The following GNPAT variants were observed in gnomAD, a reference collection of about 807,000 sequenced individuals.
The protein encoded by GNPAT is glyceronephosphate O-acyltransferase.
GNPAT carries 30 observed loss-of-function variants against 78.4 expected under a neutral mutation model. The observed-to-expected ratio is 0.38, with a 90% confidence interval of 0.29 to 0.52. The LOEUF is 0.52. GNPAT is among the 20% of genes least tolerant of loss of function. GNPAT has a pLI of 0.84. For missense variants in GNPAT, 714 were observed against 812.2 expected, an observed-to-expected ratio of 0.88 and a Z score of 1.47; for synonymous variants, 271 against 281.1, an observed-to-expected ratio of 0.96 and a Z score of 0.36.
chr1:231,260,677 T>C lies in GNPAT; in HGVS notation c.432T>C (p.Ile144=). Residue 144 remains isoleucine (I), a synonymous_variant, in exon 3 of 16, where the codon ATT becomes ATC. Coordinates refer to ENST00000366647, the MANE Select transcript of GNPAT (RefSeq NM_014236.4). ...FSKVCVNEEG[I]QKLQRAIQEH... is the part of the protein sequence containing the mutation. ...AGGTGTGTGTAAATGAAGAAGGTAT[T>C]CAGAAAGTGAGTATTGATTATTAAA... 5 of 1,580,830 alleles carry C rather than the reference T, an allele frequency of 3.2e-6. No homozygotes were observed. The highest frequency in any genetic ancestry group is 4.3e-6 in the Non-Finnish European group (5 of 1,149,904).
rs1182424004 is a variant in GNPAT, at chr1:231,272,340, A to C, written c.1551A>C (p.Leu517=). The C allele has an allele frequency of 6.3e-7, 1 of 1,595,974 alleles. No homozygotes were observed. The highest frequency in any genetic ancestry group is 1.3e-5 in the African/African-American group (1 of 74,646). ...KEDVYSCFRF[L]RDVFADEFIF... is the part of the protein sequence containing the mutation. ...ATGTCTACAGTTGCTTTCGCTTCCT[A>C]CGTGATGTTTTTGCAGATGAGTTCA... The change falls in exon 11 of 16, where the codon CTA becomes CTC. Residue 517 remains leucine, a synonymous_variant. Transcript: ENST00000366647.
intron 4 of GNPAT, among the ~76,000 whole-genome samples, chr1:231,264,764 G>A (rs145198131): frequency 6.6e-6 from 1 of 152,286 alleles, no homozygotes; most frequent in Non-Finnish European, 1.5e-5. Flanking sequence ...GTTTGGCCTG[G>A]CTGTCCAGAG....
rs531592 is a variant in GNPAT, at chr1:231,260,888, T to C, written c.438+205T>C. 0.5 allele frequency among the ~76,000 whole-genome samples: 76,149 copies of C among 152,012 alleles called. 19,258 individuals are homozygous for C. The highest frequency in any genetic ancestry group is 0.58 in the South Asian group (2,788 of 4,822). The stretch of plus-strand genomic sequence containing the variant: ...CATCTCTGAAGGTTGTTTTCTGTTT[T>C]TTTGTTTCCTTTTAACTGCAGACCT... On this transcript the variant is annotated intron_variant, in intron 3 of 15. Transcript: ENST00000366647.
chr1:231,268,933 C>T (rs1571953431), intron 9 of GNPAT, among the ~76,000 whole-genome samples: 1 of 151,084 alleles, frequency 6.6e-6, no homozygotes, highest in Non-Finnish European at 1.5e-5. Context: ...GTACAGGCTA[C>T]AGTTGGAAAT....
In GNPAT at chr1:231,254,503, G is replaced by A. The variant is rs370365199; in HGVS notation, c.261+3360G>A. ...GTCACCCAGGCTGGAGGGCAGTGGC[G>A]CGATCTCGGCTCACTGCAAGCTCTG... On this transcript the variant is annotated intron_variant, in intron 2 of 15. Transcript: ENST00000366647. Among the ~76,000 whole-genome samples the A allele has an allele frequency of 5.3e-5, 8 of 151,648 alleles. No homozygotes were observed. The East Asian group carries it at 5.9e-4, about 11-fold the overall frequency.
intron 2 of GNPAT, among the ~76,000 whole-genome samples, chr1:231,253,316 A>G (rs1272450324): frequency 1.3e-5 from 2 of 152,098 alleles, no homozygotes; most frequent in Non-Finnish European, 2.9e-5. Context: ...CTTTAGGAGT[A>G]TTGCCCCAGA....
chr1:231,250,813 T>C, intron 1 of GNPAT, 148 bp from the exon 2 acceptor site: 1 of 600,516 alleles, frequency 1.7e-6, no homozygotes, highest in South Asian at 2.1e-5. Flanking sequence ...TTTTTTTTAC[T>C]ATATGAAAAT....
At chr1:231,273,759 G>A (rs1685632600) in intron 11 of GNPAT, among the ~76,000 whole-genome samples, 163 bp from the exon 12 acceptor site, 1 of 152,178 alleles carries the variant, frequency 6.6e-6, no homozygotes, top group South Asian at 2.1e-4. Context: ...GAATTGTTCT[G>A]GAGGTTGGGG....
In GNPAT at chr1:231,266,035, A is replaced by T; in HGVS notation, c.794A>T (p.Glu265Val). The T allele has an allele frequency of 6.2e-7, 1 of 1,612,652 alleles. No homozygotes were observed. Among genetic ancestry groups the T allele is most frequent in the Non-Finnish European group, 8.5e-7 (1 of 1,179,166 alleles). ...PKFGLLNIVMEPFFKREVFDT... is the reference protein window; with the variant it reads ...PKFGLLNIVMVPFFKREVFDT... ...GCAGGTCTTCTGAATATTGTGATGG[A>T]GCCATTTTTTAAAAGAGAAGTTTTT... The change falls in exon 7 of 16, where the codon GAG becomes GTG. Residue 265 changes from glutamate (E) to valine (V), a missense_variant. Transcript: ENST00000366647.
chr1:231,264,528 T>C (rs1429671156), intron 4 of GNPAT, among the ~76,000 whole-genome samples: 2 of 152,214 alleles, frequency 1.3e-5, no homozygotes, highest in Non-Finnish European at 2.9e-5. Context: ...TGTTAATAAA[T>C]GCAGTGAATG....
chr1:231,245,375 C>A (rs552167483), intron 1 of GNPAT, among the ~76,000 whole-genome samples: 2 of 152,068 alleles, frequency 1.3e-5, no homozygotes, highest in East Asian at 3.9e-4. Context: ...CTCCCAGTAG[C>A]TAGGACTGTA....
At chr1:231,248,401 T>G (rs1684804623) in intron 1 of GNPAT, among the ~76,000 whole-genome samples, 1 of 152,016 alleles carries the variant, frequency 6.6e-6, no homozygotes, top group African/African-American at 2.4e-5. Context: ...GAGGAGGGGT[T>G]GGATTTGCCC....
intron 10 of GNPAT, among the ~76,000 whole-genome samples, chr1:231,271,305 C>T (rs1054929632): frequency 4.6e-5 from 7 of 152,184 alleles, no homozygotes; most frequent in African/African-American, 1.2e-4. Context: ...TCCTGGTCTG[C>T]GGCACTGTTT....
rs3215759 is a variant in GNPAT at position 231,260,370 on chromosome 1, T to TTA, written c.262-136_262-135insAT. ...TATCTACTATGACTGTGTTGGGAAG[T>TTA]TGTCAATTAAGAAGACACTATCTTT... On this transcript the variant is annotated intron_variant, in intron 2 of 15. Transcript: ENST00000366647. 0.57 allele frequency: 404,207 copies of TTA among 712,746 alleles called. 116,417 individuals are homozygous for TTA. The highest frequency in any genetic ancestry group is 0.69 in the African/African-American group (39,304 of 56,894). 44.2% of individuals were successfully genotyped at this position (712,746 alleles called of 1,614,324 possible). A position where few individuals can be genotyped will look rare whatever the true frequency, so the allele number is the denominator to read the frequency against.
At chr1:231,241,832 G>T (rs1684618874) in intron 1 of GNPAT, among the ~76,000 whole-genome samples, 1 of 152,234 alleles carries the variant, frequency 6.6e-6, no homozygotes, top group Non-Finnish European at 1.5e-5. Flanking sequence ...GAAACTTGCG[G>T]GTTTGACCCG....
At chr1:231,262,532 T>A (rs370241549) in intron 3 of GNPAT, among the ~76,000 whole-genome samples, 191 bp from the exon 4 acceptor site, 18 of 152,380 alleles carry the variant, frequency 1.2e-4, no homozygotes, top group African/African-American at 4.3e-4. Context: ...TCTTGCATTA[T>A]GTGAAATTGT....
At chr1:231,264,071 G>T (rs1251944631) in intron 4 of GNPAT, among the ~76,000 whole-genome samples, 1 of 152,100 alleles carries the variant, frequency 6.6e-6, no homozygotes, top group Non-Finnish European at 1.5e-5. Flanking sequence ...GTTATTTGAT[G>T]CATGGAAGTT....
chr1:231,265,880 C>A, intron 6 of GNPAT, 93 bp downstream of exon 6: 1 of 1,063,136 alleles, frequency 9.4e-7, no homozygotes, highest in South Asian at 1.3e-5. Flanking sequence ...ATATTCTTTT[C>A]AAGTGTAAAT....
At position 231,275,508 on chromosome 1, in the gene GNPAT, G is replaced by C. The variant is rs1217640685; in HGVS notation, c.1937+10G>C. On this transcript the variant is annotated intron_variant, in intron 14 of 15. Transcript: ENST00000366647. ...TGGAGAAGAAGAAGATGTAAGTACT[G>C]TACAAGATCCCATGAGTGCTCAAGG... 1.3e-6 allele frequency: 2 copies of C among 1,486,960 alleles called. No homozygotes were observed. Among genetic ancestry groups the C allele is most frequent in the African/African-American group, 2.8e-5 (2 of 72,546 alleles). The allele number at this position is 1,486,960 out of a possible 1,614,324, so 92.1% of individuals were successfully genotyped here. A position where few individuals can be genotyped will look rare whatever the true frequency, so the allele number is the denominator to read the frequency against.
Sources: gnomAD v4.1 joint callset for allele counts (sites outside exome capture counted in the v4.1 genomes callset) on GRCh38, gnomAD v4.1.1 for gene constraint, MANE v1.5 for transcripts, NCBI Gene and HGNC (gene_info 2026-07-23, HGNC 2026-07-21) for gene names.